The following RUFY1 variants were observed in gnomAD, a reference collection of about 807,000 sequenced individuals.
The protein encoded by RUFY1 is RUN and FYVE domain containing 1.
A neutral mutation model predicts 94.6 loss-of-function variants in RUFY1; 54 were observed. The observed-to-expected ratio is 0.57, with a 90% confidence interval of 0.46 to 0.72. The LOEUF is 0.72. RUFY1 is among the 30% of genes least tolerant of loss of function. RUFY1 has a pLI of 0.00. For missense variants in RUFY1, 883 were observed against 883.9 expected, an observed-to-expected ratio of 1.00 and a Z score of 0.01; for synonymous variants, 396 against 347.3, an observed-to-expected ratio of 1.14 and a Z score of -1.56.
intron 15 of RUFY1, among the ~76,000 whole-genome samples, 164 bp from the exon 16 acceptor site, chr5:179,605,712 A>T (rs907367898): frequency 2.6e-5 from 4 of 151,960 alleles, no homozygotes; most frequent in Non-Finnish European, 5.9e-5. Flanking sequence ...TGATGAGGCA[A>T]CTCTGGGATT....
At position 179,605,859 on chromosome 5, in the gene RUFY1, CTTTT is replaced by C. The variant is rs751564755; in HGVS notation, c.1857-10_1857-7del. ...CTCTCTCTCACTGCTATGAAATGGCCTTTTTTTTTTCCTTAGGTCCAAGCTGAAG... is the reference window on the plus strand; with the variant it reads ...CTCTCTCTCACTGCTATGAAATGGCCTTTTTTCCTTAGGTCCAAGCTGAAG... On this transcript the variant is annotated splice_polypyrimidine_tract_variant and intron_variant, in intron 15 of 17. Coordinates refer to ENST00000319449, the MANE Select transcript of RUFY1 (RefSeq NM_025158.5). 32 of 1,392,114 alleles carry C rather than the reference CTTTT, an allele frequency of 2.3e-5. 1 individual carries two copies. The highest frequency in any genetic ancestry group is 3.2e-5 in the Non-Finnish European group (32 of 1,011,454). The allele number at this position is 1,392,114 out of a possible 1,614,324, so 86.2% of individuals were successfully genotyped here. A position where few individuals can be genotyped will look rare whatever the true frequency, so the allele number is the denominator to read the frequency against.
At chr5:179,584,074 G>T (rs1211160757) in intron 7 of RUFY1, among the ~76,000 whole-genome samples, 1 of 152,176 alleles carries the variant, frequency 6.6e-6, no homozygotes, top group Non-Finnish European at 1.5e-5. Context: ...ATATACAATT[G>T]GGGGGTATTT....
chr5:179,594,122 T>C (rs1323766728), intron 11 of RUFY1, among the ~76,000 whole-genome samples: 1 of 151,602 alleles, frequency 6.6e-6, no homozygotes, highest in African/African-American at 2.4e-5. Context: ...GCCAGCATGG[T>C]GAAACACCGT....
rs1348736598 is a variant in RUFY1 at position 179,601,874 on chromosome 5, T to A, written c.1762-18T>A. On this transcript the variant is annotated intron_variant, in intron 14 of 17. Transcript: ENST00000319449. Reference sequence around the variant, plus strand: ...GTGTAATCCTCTGTCCAGCATCTGGTTGGTTTGTTCATTTTAGGAGTTGCG... The same window carrying A: ...GTGTAATCCTCTGTCCAGCATCTGGATGGTTTGTTCATTTTAGGAGTTGCG... The A allele has an allele frequency of 6.7e-7, 1 of 1,494,974 alleles. No individual in the cohort carries two copies. The highest frequency in any genetic ancestry group is 2.3e-5 in the East Asian group (1 of 43,712). The allele number at this position is 1,494,974 out of a possible 1,614,324, so 92.6% of individuals were successfully genotyped here.
rs1274692449 is a variant in RUFY1 at position 179,598,785 on chromosome 5, C to T, written c.1725C>T (p.Leu575=). The change falls in exon 14 of 18, where the codon CTC becomes CTT. Residue 575 remains leucine, a synonymous_variant. Transcript: ENST00000319449. ...LQHEKDTSSL[L]RMELQQVEGL... ...ACGAGAAAGACACTTCCTCTCTACT[C>T]AGGATGGAGCTGCAACAAGTGGAAG... The T allele has an allele frequency of 2.5e-6, 4 of 1,614,212 alleles. No homozygotes were observed. Among genetic ancestry groups the T allele is most frequent in the Non-Finnish European group, 3.4e-6 (4 of 1,180,042 alleles).
intron 5 of RUFY1, among the ~76,000 whole-genome samples, chr5:179,573,775 G>A (rs902970863): frequency 2.0e-5 from 3 of 152,094 alleles, no homozygotes; most frequent in Non-Finnish European, 2.9e-5. Flanking sequence ...GCCCACTTTG[G>A]CCTCCCAAAG....
chr5:179,550,996 C>G (rs1761809194), intron 1 of RUFY1, 117 bp downstream of exon 1: 3 of 891,538 alleles, frequency 3.4e-6, no homozygotes, highest in Non-Finnish European at 4.1e-6. Flanking sequence ...GTTACGCGAG[C>G]TGTTGGCGGG....
Position 179,560,046 on chromosome 5 carries a change from A to G in RUFY1, c.332A>G (p.Glu111Gly), listed in dbSNP as rs754148691. The G allele has an allele frequency of 6.2e-7, 1 of 1,613,838 alleles. No homozygotes were observed. Residue 111 changes from glutamate to glycine, a missense_variant, in exon 2 of 18, where the codon GAG becomes GGG. Glu to Gly is a moderately conservative substitution (Grantham distance 98). Transcript: ENST00000319449. ...ARAASKCQMMEERANLMHMMK... is the reference protein window; with the variant it reads ...ARAASKCQMMGERANLMHMMK... ...ACAGCTTCTAAGTGCCAGATGATGG[A>G]GGAGCGTGCCAACCTGATGCACATG...
At chr5:179,551,485 T>G (rs1761849729) in intron 1 of RUFY1, among the ~76,000 whole-genome samples, 1 of 152,206 alleles carries the variant, frequency 6.6e-6, no homozygotes, top group African/African-American at 2.4e-5. Flanking sequence ...TGTGTGTTTT[T>G]GTTTTTATTT....
chr5:179,600,974 G>A (rs1766314027), intron 14 of RUFY1, among the ~76,000 whole-genome samples: 4 of 151,896 alleles, frequency 2.6e-5, no homozygotes, highest in Admixed American at 6.6e-5. Context: ...GGGATTACAG[G>A]TGTGAGCCAC....
chr5:179,566,663 G>A (rs778105637), intron 3 of RUFY1, among the ~76,000 whole-genome samples: 2 of 151,172 alleles, frequency 1.3e-5, no homozygotes, highest in Admixed American at 1.3e-4. Context: ...ACAACATTGT[G>A]AATGTACTTA....
At chr5:179,605,291 AAAAG>A (rs1766946477) in intron 15 of RUFY1, among the ~76,000 whole-genome samples, 2 of 151,946 alleles carry the variant, frequency 1.3e-5, no homozygotes, top group Admixed American at 1.3e-4. Flanking sequence ...AAAAAAAAAA[AAAAG>A]GATCAGACTG....
rs542947513 is a variant in RUFY1, at chr5:179,609,658, C to G, written c.*139C>G. On this transcript the variant is annotated 3_prime_UTR_variant, in exon 18 of 18. Coordinates refer to ENST00000319449, the MANE Select transcript of RUFY1 (RefSeq NM_025158.5). ...GCCCGGTCACTGGCACTCCAGAAGACAGCGTGCCGGAACCGGCAGCTCTCA... is the reference window on the plus strand; with the variant it reads ...GCCCGGTCACTGGCACTCCAGAAGAGAGCGTGCCGGAACCGGCAGCTCTCA... 12 of 827,534 alleles carry G rather than the reference C, an allele frequency of 1.5e-5. No individual in the cohort carries two copies. The Admixed American group carries it at 3.4e-4, about 23-fold the overall frequency. The allele number at this position is 827,534 out of a possible 1,614,324, so 51.3% of individuals were successfully genotyped here.
Position 179,588,300 on chromosome 5 carries a change from A to G in RUFY1, c.1027-1246A>G, listed in dbSNP as rs1308076449. On this transcript the variant is annotated intron_variant, in intron 8 of 17. Coordinates refer to ENST00000319449, the MANE Select transcript of RUFY1 (RefSeq NM_025158.5). ...GTCCCTCCACTAGTGAATGATGCCG[A>G]GAGCCAGCCAAGCACCAAGGACAGA... 4.6e-5 allele frequency among the ~76,000 whole-genome samples: 7 copies of G among 152,158 alleles called. No individual in the cohort carries two copies. The South Asian group carries it at 8.3e-4, about 18-fold the overall frequency.
chr5:179,609,630 C>CT lies in RUFY1; in HGVS notation c.*113dup. The CT allele has an allele frequency of 8.6e-7, 1 of 1,165,938 alleles. No individual in the cohort carries two copies. Among genetic ancestry groups the CT allele is most frequent in the Admixed American group, 3.0e-5 (1 of 33,484 alleles). The allele number at this position is 1,165,938 out of a possible 1,614,324, so 72.2% of individuals were successfully genotyped here. On this transcript the variant is annotated 3_prime_UTR_variant, in exon 18 of 18. Transcript: ENST00000319449. ...AGTATCAAAGGAAAGAATCAAATTT[C>CT]TTGCCCGGTCACTGGCACTCCAGAA...
chr5:179,608,455 A>G, intron 17 of RUFY1: 2 of 985,532 alleles, frequency 2.0e-6, no homozygotes, highest in African/African-American at 3.5e-5. Context: ...TCAGAAGCAG[A>G]GGCTGCACAG....
chr5:179,572,494 A>G lies in RUFY1; in HGVS notation c.828+3069A>G. 3 of 198,560 alleles carry G rather than the reference A, an allele frequency of 1.5e-5. No homozygotes were observed. In the South Asian group the frequency reaches 2.2e-4, roughly 15 times the overall value. 12.3% of individuals were successfully genotyped at this position (198,560 alleles called of 1,614,324 possible). A position where few individuals can be genotyped will look rare whatever the true frequency, so the allele number is the denominator to read the frequency against. ...GTGACGGGAAGCTTGTCTGAAGATT[A>G]CTGTGTGCTGAAAACCAATGAGGGC... On this transcript the variant is annotated intron_variant, in intron 5 of 17. Coordinates refer to ENST00000319449, the MANE Select transcript of RUFY1 (RefSeq NM_025158.5).
At chr5:179,569,163 G>T (rs1763041648) in intron 4 of RUFY1, 139 bp from the exon 5 acceptor site, 5 of 1,538,954 alleles carry the variant, frequency 3.2e-6, no homozygotes, top group East Asian at 4.6e-5. Flanking sequence ...GCAGTGAAGA[G>T]AAATGAAAGG....
intron 4 of RUFY1, 42 bp from the exon 5 acceptor site, chr5:179,569,260 A>G: frequency 4.3e-6 from 7 of 1,613,048 alleles, no homozygotes; most frequent in Non-Finnish European, 5.9e-6. Context: ...GGGATGGTGA[A>G]GCTGTTTCTG....
Sources: allele counts gnomAD v4.1 joint callset (sites outside exome capture counted in the v4.1 genomes callset), GRCh38; gene constraint gnomAD v4.1.1; transcripts MANE v1.5; gene names NCBI Gene and HGNC (gene_info 2026-07-23, HGNC 2026-07-21).